CELSR1: variants seen among roughly 807,000 people sequenced by gnomAD.
CELSR1 encodes the protein adhesion G protein-coupled receptor C1.
CELSR1 carries 110 observed loss-of-function variants against 249.1 expected under a neutral mutation model. The ratio of observed to expected loss-of-function variants is 0.44; its 90% CI spans 0.38 to 0.52. CELSR1 has a LOEUF of 0.52. Among genes scored for constraint, CELSR1 ranks in the 20% least tolerant of loss-of-function variants. The pLI is 0.00. For missense variants in CELSR1, 4,109 were observed against 4,296.4 expected, an observed-to-expected ratio of 0.96 and a Z score of 1.22; for synonymous variants, 2,113 against 1,900.0, an observed-to-expected ratio of 1.11 and a Z score of -2.92.
In CELSR1 at chr22:46,430,712, A is replaced by C. The variant is rs1379881064; in HGVS notation, c.4611+2681T>G. 6.6e-6 allele frequency among the ~76,000 whole-genome samples: 1 copy of C among 152,144 alleles called. No individual in the cohort carries two copies. Among genetic ancestry groups the C allele is most frequent in the Non-Finnish European group, 1.5e-5 (1 of 68,030 alleles). On this transcript the variant is annotated intron_variant, in intron 5 of 34. Transcript: ENST00000674500. This position sits in a 1 kb window ranked among gnomAD's most constrained non-coding sequence, Gnocchi z 4.6. ...CCAGAGAGCAGAGGAACCAGCCCCC[A>C]GAAGATTGTCTTCCTGACCTCAAGC...
In CELSR1 at chr22:46,401,082, G is replaced by C. The variant is rs529783503; in HGVS notation, c.5227-1180C>G. Among the ~76,000 whole-genome samples the C allele has an allele frequency of 5.3e-5, 8 of 152,270 alleles. No homozygotes were observed. Among genetic ancestry groups the C allele is most frequent in the Admixed American group, 5.2e-4 (8 of 15,304 alleles). On this transcript the variant is annotated intron_variant, in intron 9 of 34. Transcript: ENST00000674500. This position sits in a 1 kb window ranked among gnomAD's most constrained non-coding sequence, Gnocchi z 4.7. ...GGAGGTCAAGTAAGGGAAGCGCCAAGAACAAGCCCCATTAGGCTTTTAAGT... is the reference window on the plus strand; with the variant it reads ...GGAGGTCAAGTAAGGGAAGCGCCAACAACAAGCCCCATTAGGCTTTTAAGT...
In CELSR1 at chr22:46,527,621, T is replaced by C. The variant is rs1297404825; in HGVS notation, c.3544+6006A>G. On this transcript the variant is annotated intron_variant, in intron 1 of 34. Coordinates refer to ENST00000674500, the MANE Select transcript of CELSR1 (RefSeq NM_001378328.1). The surrounding 1 kb of genome is among the most constrained non-coding windows in gnomAD (Gnocchi z 5.5). ...TCTCCCGGCTTTCGCACACAGCAGG[T>C]GCTCAATAAACAAACCAACACTCCT... Among the ~76,000 whole-genome samples the C allele has an allele frequency of 6.6e-6, 1 of 152,164 alleles. No homozygotes were observed. Among genetic ancestry groups the C allele is most frequent in the Non-Finnish European group, 1.5e-5 (1 of 68,032 alleles).
intron 20 of CELSR1, among the ~76,000 whole-genome samples, chr22:46,384,335 C>T (rs2147228966): frequency 6.6e-6 from 1 of 152,344 alleles, no homozygotes; most frequent in Non-Finnish European, 1.5e-5. Context: ...TGGGGCATTT[C>T]AGATTTCAGG....
intron 25 of CELSR1, chr22:46,370,310 T>G (rs2078837883): frequency 8.2e-6 from 3 of 366,234 alleles, no homozygotes; most frequent in South Asian, 6.0e-5. Flanking sequence ...GCACATGCCA[T>G]ACACATGTAC....
chr22:46,441,870 A>G lies in CELSR1; in HGVS notation c.4184-2459T>C, dbSNP rs1057092913. Among the ~76,000 whole-genome samples the G allele has an allele frequency of 2.6e-5, 4 of 152,236 alleles. No individual in the cohort carries two copies. The highest frequency in any genetic ancestry group is 2.0e-4 in the Admixed American group (3 of 15,288). ...TTATTATCCATTTTTAAAAATAAAG[A>G]GATCACGGTGGCTCACGCCTGTAAC... On this transcript the variant is annotated intron_variant, in intron 2 of 34. Coordinates refer to ENST00000674500, the MANE Select transcript of CELSR1 (RefSeq NM_001378328.1). This position sits in a 1 kb window ranked among gnomAD's most constrained non-coding sequence, Gnocchi z 6.1.
rs908865372 is a variant in CELSR1 at position 46,429,634 on chromosome 22, C to G, written c.4611+3759G>C. Among the ~76,000 whole-genome samples the G allele has an allele frequency of 1.1e-4, 16 of 152,226 alleles. No homozygotes were observed. Among genetic ancestry groups the G allele is most frequent in the African/African-American group, 3.9e-4 (16 of 41,468 alleles). On this transcript the variant is annotated intron_variant, in intron 5 of 34. Coordinates refer to ENST00000674500, the MANE Select transcript of CELSR1 (RefSeq NM_001378328.1). The surrounding 1 kb of genome is among the most constrained non-coding windows in gnomAD (Gnocchi z 4.1). ...AAAAATAAACAGACTCTGCCTGCTC[C>G]CTGCCTGGGAGGGTTCCCTACCCCA...
chr22:46,496,525 G>A (rs750610604), intron 1 of CELSR1, among the ~76,000 whole-genome samples: 4 of 151,848 alleles, frequency 2.6e-5, no homozygotes, highest in South Asian at 2.1e-4. Flanking sequence ...CCAAGATCAC[G>A]CCACTGCACT....
rs1391695209 is a variant in CELSR1 at position 46,443,023 on chromosome 22, G to A, written c.4184-3612C>T. On this transcript the variant is annotated intron_variant, in intron 2 of 34. Transcript: ENST00000674500. ...TGAGGCAGGAGAATGGCGTGAACGCGGGAGGCGGAGCTTGCAGTGAGCCGA... is the reference window on the plus strand; with the variant it reads ...TGAGGCAGGAGAATGGCGTGAACGCAGGAGGCGGAGCTTGCAGTGAGCCGA... 3.3e-5 allele frequency among the ~76,000 whole-genome samples: 5 copies of A among 152,242 alleles called. No homozygotes were observed. In the East Asian group the frequency reaches 9.6e-4, roughly 29 times the overall value.
intron 1 of CELSR1, among the ~76,000 whole-genome samples, chr22:46,515,777 C>A (rs1027894877): frequency 3.3e-5 from 5 of 152,232 alleles, no homozygotes; most frequent in African/African-American, 1.2e-4. Context: ...GCAGCCCCGG[C>A]AGGAGGATAC....
intron 2 of CELSR1, among the ~76,000 whole-genome samples, chr22:46,460,211 A>ACACACACCCCCCCCCC (rs773925316): frequency 1.3e-5 from 2 of 148,870 alleles, no homozygotes; most frequent in African/African-American, 5.0e-5. Flanking sequence ...ACACACACAC[A>ACACACACCCCCCCCCC]CACACCCATT....
rs1335681837 is a variant in CELSR1, at chr22:46,446,346, G to A, written c.4184-6935C>T. ...GAGCACTCTCCCTCTGGGGAAGCTC[G>A]GGCCACCTGCCTGCTTAGGGTGACC... On this transcript the variant is annotated intron_variant, in intron 2 of 34. Transcript: ENST00000674500. This position sits in a 1 kb window ranked among gnomAD's most constrained non-coding sequence, Gnocchi z 5.5. Among the ~76,000 whole-genome samples, 1 of 152,128 alleles carries A rather than the reference G, an allele frequency of 6.6e-6. No homozygotes were observed.
chr22:46,479,956 T>TACA (rs1177178655), intron 1 of CELSR1, among the ~76,000 whole-genome samples: 1 of 152,216 alleles, frequency 6.6e-6, no homozygotes, highest in Non-Finnish European at 1.5e-5. Context: ...TGGACTCTGT[T>TACA]AATTCAGGGG....
rs1057207076 is a variant in CELSR1, at chr22:46,395,421, C to G, written c.5844-1159G>C. 6.6e-5 allele frequency among the ~76,000 whole-genome samples: 10 copies of G among 152,264 alleles called. No homozygotes were observed. In the South Asian group the frequency reaches 1.9e-3, roughly 28 times the overall value. On this transcript the variant is annotated intron_variant, in intron 13 of 34. Coordinates refer to ENST00000674500, the MANE Select transcript of CELSR1 (RefSeq NM_001378328.1). This position sits in a 1 kb window ranked among gnomAD's most constrained non-coding sequence, Gnocchi z 5.5. ...CCCACCCAGGCCTCTCTAGATCAGCCTCATCCCCTTACTCCTCTCCAGCTT... is the reference window on the plus strand; with the variant it reads ...CCCACCCAGGCCTCTCTAGATCAGCGTCATCCCCTTACTCCTCTCCAGCTT...
intron 9 of CELSR1, among the ~76,000 whole-genome samples, chr22:46,404,160 C>G (rs1006002267): frequency 1.3e-5 from 2 of 152,006 alleles, no homozygotes; most frequent in Admixed American, 1.3e-4. Context: ...ACCTGAAATA[C>G]CAGCACTTTG....
rs2079666809 is a variant in CELSR1, at chr22:46,436,774, C to G, written c.4407-485G>C. ...ACAATAGCATCTTTTGGCTCCCAAA[C>G]ACAGGTCAAAAAGACCCCAGGGCCT... On this transcript the variant is annotated intron_variant, in intron 3 of 34. Coordinates refer to ENST00000674500, the MANE Select transcript of CELSR1 (RefSeq NM_001378328.1). The surrounding 1 kb of genome is among the most constrained non-coding windows in gnomAD (Gnocchi z 5.9). 1.3e-5 allele frequency among the ~76,000 whole-genome samples: 2 copies of G among 151,952 alleles called. No homozygotes were observed. Among genetic ancestry groups the G allele is most frequent in the South Asian group, 4.1e-4 (2 of 4,820 alleles).
In CELSR1 at chr22:46,396,658, C is replaced by G; in HGVS notation, c.5790G>C (p.Gln1930His). The G allele has an allele frequency of 6.2e-7, 1 of 1,612,288 alleles. No individual in the cohort carries two copies. The highest frequency in any genetic ancestry group is 2.2e-5 in the East Asian group (1 of 44,852). The part of the protein sequence containing the change: ...GACVRSPGSP[Q>H]GYVCECGPSH... Reference sequence around the variant, plus strand: ...TGGGCCCACACTCGCACACGTAGCCCTGCGGGGAGCCGGGGGAGCGCACGC... The same window carrying G: ...TGGGCCCACACTCGCACACGTAGCCGTGCGGGGAGCCGGGGGAGCGCACGC... The change falls in exon 13 of 35, where the codon CAG becomes CAC. Residue 1930 changes from glutamine (Q) to histidine (H), a missense_variant. Physicochemically the swap from Gln to His is conservative, Grantham distance 24. This residue lies in a region of CELSR1 where 1,805 missense variants were observed against 1,831.6 expected (regional missense o/e 0.99). Transcript: ENST00000674500. This position sits in a 1 kb window ranked among gnomAD's most constrained non-coding sequence, Gnocchi z 6.4.
At chr22:46,467,699 G>T (rs1393762508) in intron 1 of CELSR1, among the ~76,000 whole-genome samples, 1 of 151,684 alleles carries the variant, frequency 6.6e-6, no homozygotes, top group Non-Finnish European at 1.5e-5. Context: ...GCAGGCGCCT[G>T]TAGTCCCAGC....
chr22:46,477,728 G>A (rs1003885401), intron 1 of CELSR1, among the ~76,000 whole-genome samples: 8 of 151,956 alleles, frequency 5.3e-5, no homozygotes, highest in Non-Finnish European at 1.0e-4. Flanking sequence ...GGATGGTCTC[G>A]ATCTCCTGAC....
intron 1 of CELSR1, among the ~76,000 whole-genome samples, chr22:46,475,892 C>A (rs1394093428): frequency 6.6e-6 from 1 of 152,070 alleles, no homozygotes; most frequent in Non-Finnish European, 1.5e-5. Context: ...TCCAACACAG[C>A]TCATCATGTC....
Sources: gnomAD v4.1 joint callset for allele counts (sites outside exome capture counted in the v4.1 genomes callset) on GRCh38, gnomAD v4.1.1 for gene constraint, gnomAD v4.1.1 regional missense constraint, Gnocchi (gnomAD v3.1) non-coding constraint, MANE v1.5 for transcripts, NCBI Gene and HGNC (gene_info 2026-07-23, HGNC 2026-07-21) for gene names.